SPAG16: variants seen among roughly 807,000 people sequenced by gnomAD.
The protein encoded by SPAG16 is sperm-associated antigen 16 protein.
A neutral mutation model predicts 80.4 loss-of-function variants in SPAG16; 86 were observed. The ratio of observed to expected loss-of-function variants is 1.07; its 90% CI spans 0.90 to 1.28. SPAG16 has a LOEUF of 1.28. Among genes scored for constraint, SPAG16 ranks in the 50% most tolerant of loss-of-function variants. The pLI, the probability that SPAG16 is intolerant of heterozygous loss-of-function variation, is 0.00. For synonymous variants in SPAG16, 294 were observed against 265.9 expected (o/e 1.11, Z -1.03); for missense variants, 870 against 765.3 (o/e 1.14, Z -1.61).
At chr2:213,537,147 C>T (rs1028212025) in intron 10 of SPAG16, among the ~76,000 whole-genome samples, 1 of 123,160 alleles carries the variant, frequency 8.1e-6, no homozygotes, top group African/African-American at 3.2e-5. Context: ...GAACATCACA[C>T]TCTGGGGACT....
In SPAG16 at chr2:213,590,384, A is replaced by G. The variant is rs1029673709; in HGVS notation, c.1070+100294A>G. Among the ~76,000 whole-genome samples, 60 of 152,084 alleles carry G rather than the reference A, an allele frequency of 3.9e-4. No individual in the cohort carries two copies. In the East Asian group the frequency reaches 6.0e-3, roughly 15 times the overall value. On this transcript the variant is annotated intron_variant, in intron 10 of 15. Coordinates refer to ENST00000331683, the MANE Select transcript of SPAG16 (RefSeq NM_024532.5). ...ACCCTCCCCATTTTTGGAATCCCCA[A>G]TGTTTGCATCTGACAAAGGACTGAT...
intron 14 of SPAG16, among the ~76,000 whole-genome samples, chr2:214,144,729 A>G (rs2055545974): frequency 1.3e-5 from 2 of 152,088 alleles, no homozygotes; most frequent in African/African-American, 4.8e-5. Flanking sequence ...TGGGCCTAAA[A>G]TGCTTTTATT....
intron 10 of SPAG16, among the ~76,000 whole-genome samples, chr2:213,742,553 T>TTGTTTTTTTTTTTTTTTTTTTTTG (rs61548174): frequency 7.6e-6 from 1 of 131,632 alleles, no homozygotes; most frequent in Non-Finnish European, 1.6e-5. Flanking sequence ...ATTTCTTTTT[T>TTGTTTTTTTTTTTTTTTTTTTTTG]TTTTTTTTTT....
At chr2:213,950,734 G>A (rs114790536) in intron 12 of SPAG16, among the ~76,000 whole-genome samples, 1 of 119,318 alleles carries the variant, frequency 8.4e-6, no homozygotes, top group African/African-American at 3.1e-5. Context: ...CCCTCAAGAC[G>A]GTCTTGCTCT....
At chr2:213,988,322 G>A (rs1321915208) in intron 12 of SPAG16, among the ~76,000 whole-genome samples, 1 of 152,038 alleles carries the variant, frequency 6.6e-6, no homozygotes, top group South Asian at 2.1e-4. Context: ...TATACGTGGA[G>A]CATCATCGAG....
chr2:214,059,391 CT>C (rs1008855427), intron 13 of SPAG16, among the ~76,000 whole-genome samples: 1 of 150,126 alleles, frequency 6.7e-6, no homozygotes, highest in African/African-American at 2.5e-5. Context: ...CCCTTTTCTT[CT>C]TCTGAAATAC....
chr2:213,475,721 T>A lies in SPAG16; in HGVS notation c.943-14242T>A, dbSNP rs145691433. 7.2e-5 allele frequency among the ~76,000 whole-genome samples: 11 copies of A among 152,288 alleles called. 1 individual carries two copies. Among genetic ancestry groups the A allele is most frequent in the African/African-American group, 2.6e-4 (11 of 41,570 alleles). Reference sequence around the variant, plus strand: ...TCCTCTGGTTCCTCAGATCTAGTTTTCTTTTTAGGGCTCCAAACTGAAGCA... The same window carrying A: ...TCCTCTGGTTCCTCAGATCTAGTTTACTTTTTAGGGCTCCAAACTGAAGCA... On this transcript the variant is annotated intron_variant, in intron 9 of 15. Coordinates refer to ENST00000331683, the MANE Select transcript of SPAG16 (RefSeq NM_024532.5).
intron 8 of SPAG16, among the ~76,000 whole-genome samples, chr2:213,369,693 G>T (rs572537969): frequency 2.0e-5 from 3 of 152,158 alleles, no homozygotes; most frequent in Admixed American, 6.5e-5. Flanking sequence ...CCTCTGTCTT[G>T]TGAGCTGAAT....
At position 214,283,632 on chromosome 2, in the gene SPAG16, AT is replaced by A. The variant is rs950766994; in HGVS notation, c.1721-126507del. On this transcript the variant is annotated intron_variant, in intron 15 of 15. Coordinates refer to ENST00000331683, the MANE Select transcript of SPAG16 (RefSeq NM_024532.5). Reference sequence around the variant, plus strand: ...AATTAACTTTACAAAAAATAAAAAAATAAAAAGCTTTAGCCAAAATTTAGAA... The same window carrying A: ...AATTAACTTTACAAAAAATAAAAAAAAAAAAGCTTTAGCCAAAATTTAGAA... Among the ~76,000 whole-genome samples the A allele has an allele frequency of 1.2e-4, 19 of 152,338 alleles. 1 individual carries two copies. The highest frequency in any genetic ancestry group is 3.8e-4 in the African/African-American group (16 of 41,584).
intron 10 of SPAG16, among the ~76,000 whole-genome samples, chr2:213,573,652 A>T (rs1158593602): frequency 1.3e-5 from 2 of 152,092 alleles, no homozygotes; most frequent in African/African-American, 4.8e-5. Flanking sequence ...ATATATTTTT[A>T]TACGTATTTT....
At chr2:213,558,472 A>ATTT (rs34254283) in intron 10 of SPAG16, among the ~76,000 whole-genome samples, 7 of 150,062 alleles carry the variant, frequency 4.7e-5, no homozygotes, top group African/African-American at 1.7e-4. Flanking sequence ...TTACATGAGA[A>ATTT]TTTTTTTTTT....
intron 15 of SPAG16, among the ~76,000 whole-genome samples, chr2:214,164,450 G>GA (rs1172091246): frequency 2.0e-5 from 3 of 151,636 alleles, no homozygotes; most frequent in South Asian, 2.1e-4. Context: ...GAGCATTCCA[G>GA]AAAAAAAACA....
rs2055783916 is a variant in SPAG16 at position 214,148,609 on chromosome 2, TG to T, written c.1594-530del. Among the ~76,000 whole-genome samples the T allele has an allele frequency of 3.9e-5, 6 of 152,264 alleles. No individual in the cohort carries two copies. The South Asian group carries it at 1.2e-3, about 32-fold the overall frequency. ...CTGCTATGCGATATTCTTCTCTCAC[TG>T]TGTCCATTTTACTTCCTACCTCTTT... is the stretch of plus-strand genomic sequence containing the variant. On this transcript the variant is annotated intron_variant, in intron 14 of 15. Transcript: ENST00000331683.
chr2:214,346,445 T>C (rs1204388060), intron 15 of SPAG16, among the ~76,000 whole-genome samples: 3 of 152,328 alleles, frequency 2.0e-5, no homozygotes, highest in Middle Eastern at 3.4e-3. Flanking sequence ...TGGTTCTATA[T>C]CTTGGTGACA....
intron 10 of SPAG16, among the ~76,000 whole-genome samples, chr2:213,799,888 A>G (rs915294520): frequency 6.6e-6 from 1 of 150,904 alleles, no homozygotes; most frequent in Non-Finnish European, 1.5e-5. Context: ...CAGCAATGCT[A>G]TTGTGAATAG....
chr2:213,633,424 A>G (rs766096761), intron 10 of SPAG16, among the ~76,000 whole-genome samples: 5 of 152,062 alleles, frequency 3.3e-5, no homozygotes, highest in Admixed American at 2.0e-4. Flanking sequence ...ACGTTTTAAG[A>G]CTTGTTTTAT....
chr2:213,644,089 C>T (rs910689755), intron 10 of SPAG16, among the ~76,000 whole-genome samples: 3 of 150,916 alleles, frequency 2.0e-5, no homozygotes, highest in Admixed American at 6.6e-5. Flanking sequence ...CCCAAGCTCA[C>T]GAATTCTTTC....
intron 4 of SPAG16, among the ~76,000 whole-genome samples, chr2:213,315,552 A>G (rs552076907): frequency 6.6e-6 from 1 of 152,114 alleles, no homozygotes; most frequent in East Asian, 1.9e-4. Flanking sequence ...TAGATTTCAT[A>G]TCTTCTTCTA....
chr2:213,551,889 C>T (rs781667480), intron 10 of SPAG16, among the ~76,000 whole-genome samples: 4 of 152,132 alleles, frequency 2.6e-5, no homozygotes, highest in Non-Finnish European at 4.4e-5. Context: ...AAGATGAATA[C>T]AGTTTTTAGA....
Sources: gnomAD v4.1 joint callset for allele counts (sites outside exome capture counted in the v4.1 genomes callset) on GRCh38, gnomAD v4.1.1 for gene constraint, MANE v1.5 for transcripts, NCBI Gene and HGNC (gene_info 2026-07-23, HGNC 2026-07-21) for gene names.